TATDN1: variants seen among roughly 807,000 people sequenced by gnomAD.
TATDN1 encodes the protein deoxyribonuclease TATDN1.
A neutral mutation model predicts 46.4 loss-of-function variants in TATDN1; 40 were observed. The ratio of observed to expected loss-of-function variants is 0.86; its 90% CI spans 0.67 to 1.12. The LOEUF is 1.12. Ranked by LOEUF, TATDN1 falls within the 50% of genes most tolerant of loss-of-function variation. TATDN1 has a pLI of 0.00. For synonymous variants in TATDN1, 95 were observed against 105.6 expected, an observed-to-expected ratio of 0.90 and a Z score of 0.62; for missense variants, 326 against 348.4, an observed-to-expected ratio of 0.94 and a Z score of 0.51.
At chr8:124,533,624 C>A (rs753172122) in intron 1 of TATDN1, among the ~76,000 whole-genome samples, 27 of 152,034 alleles carry the variant, frequency 1.8e-4, no homozygotes, top group Admixed American at 2.0e-4. Flanking sequence ...TTTTCCAGGG[C>A]TGGTTTCTGT....
intron 8 of TATDN1, among the ~76,000 whole-genome samples, chr8:124,507,518 A>G (rs1818578335): frequency 6.6e-6 from 1 of 152,242 alleles, no homozygotes; most frequent in Non-Finnish European, 1.5e-5. Context: ...ACAGTGGCTC[A>G]CACCTGTAAT....
chr8:124,494,024 T>C (rs1356582027), intron 10 of TATDN1, 65 bp from the exon 11 acceptor site: 4 of 1,466,844 alleles, frequency 2.7e-6, no homozygotes, highest in Non-Finnish European at 3.6e-6. Flanking sequence ...ATGACCATTA[T>C]CTAATATATA....
intron 3 of TATDN1, 24 bp downstream of exon 3, chr8:124,522,127 C>A: frequency 6.5e-7 from 1 of 1,541,782 alleles, no homozygotes; most frequent in Non-Finnish European, 8.8e-7. Flanking sequence ...TTAAAAATCT[C>A]AAAAATAACA....
chr8:124,507,458 C>T (rs1355054174), intron 8 of TATDN1, among the ~76,000 whole-genome samples: 1 of 152,152 alleles, frequency 6.6e-6, no homozygotes, highest in Non-Finnish European at 1.5e-5. Context: ...ACAGAAGAGA[C>T]GAAGAATATC....
intron 6 of TATDN1, among the ~76,000 whole-genome samples, chr8:124,513,597 A>C (rs1819215857): frequency 6.6e-6 from 1 of 152,274 alleles, no homozygotes; most frequent in Non-Finnish European, 1.5e-5. Flanking sequence ...ATCAGACGCT[A>C]TTCTGATGAT....
intron 6 of TATDN1, among the ~76,000 whole-genome samples, chr8:124,513,309 T>C (rs1047837630): frequency 6.6e-6 from 1 of 152,220 alleles, no homozygotes; most frequent in African/African-American, 2.4e-5. Flanking sequence ...TACTTTGTCA[T>C]TAGCTTATCC....
At chr8:124,527,710 C>T (rs951911174) in intron 1 of TATDN1, among the ~76,000 whole-genome samples, 4 of 151,738 alleles carry the variant, frequency 2.6e-5, no homozygotes, top group African/African-American at 9.7e-5. Flanking sequence ...TCATGTTTCC[C>T]CATTTTAGCC....
intron 6 of TATDN1, among the ~76,000 whole-genome samples, chr8:124,511,514 G>A (rs1819011729): frequency 1.3e-5 from 2 of 152,126 alleles, no homozygotes; most frequent in Admixed American, 6.5e-5. Flanking sequence ...TCCTACCCAA[G>A]AGAACAGAGC....
intron 3 of TATDN1, among the ~76,000 whole-genome samples, chr8:124,521,377 C>A (rs1820030516): frequency 2.0e-5 from 3 of 152,154 alleles, no homozygotes; most frequent in Admixed American, 2.0e-4. Flanking sequence ...AATTTAGGAG[C>A]CTAGTATTTC....
chr8:124,532,894 A>C (rs142654206), intron 1 of TATDN1, among the ~76,000 whole-genome samples: 18 of 152,134 alleles, frequency 1.2e-4, no homozygotes, highest in Non-Finnish European at 1.0e-4. Context: ...CCTTAAGTCT[A>C]TATGAGGTGA....
intron 11 of TATDN1, among the ~76,000 whole-genome samples, chr8:124,492,354 G>A (rs1488169143): frequency 6.6e-6 from 1 of 152,142 alleles, no homozygotes; most frequent in African/African-American, 2.4e-5. Context: ...AAAGTCAACA[G>A]CTATAATCTT....
At chr8:124,506,322 A>G (rs1490894694) in intron 8 of TATDN1, among the ~76,000 whole-genome samples, 1 of 140,970 alleles carries the variant, frequency 7.1e-6, no homozygotes, top group Non-Finnish European at 1.5e-5. Context: ...GTGACAGAGC[A>G]AGGCTCTGTC....
chr8:124,509,715 A>G (rs1157633512), intron 6 of TATDN1, among the ~76,000 whole-genome samples: 2 of 152,198 alleles, frequency 1.3e-5, no homozygotes, highest in South Asian at 4.1e-4. Context: ...GCTAAATTTT[A>G]AAATTAGAAA....
rs570653554 is a variant in TATDN1, at chr8:124,488,834, A to G, written c.792-138T>C. On this transcript the variant is annotated intron_variant, in intron 11 of 11. Coordinates refer to ENST00000276692, the MANE Select transcript of TATDN1 (RefSeq NM_032026.4). ...AAGCTTAACAGTTATTAAGTTTTTC[A>G]GCAATATCAATAGAAAAACTTACTG... 34 of 616,156 alleles carry G rather than the reference A, an allele frequency of 5.5e-5. No individual in the cohort carries two copies. The African/African-American group carries it at 6.3e-4, about 11-fold the overall frequency. 38.2% of individuals were successfully genotyped at this position (616,156 alleles called of 1,614,324 possible). A position where few individuals can be genotyped will look rare whatever the true frequency, so the allele number is the denominator to read the frequency against.
intron 9 of TATDN1, chr8:124,503,794 G>A (rs376959373): frequency 3.1e-6 from 2 of 640,280 alleles, no homozygotes; most frequent in South Asian, 1.5e-5. Flanking sequence ...ATCACAGAGT[G>A]AGAAGCCAGA....
At chr8:124,506,625 G>A (rs1818457236) in intron 8 of TATDN1, among the ~76,000 whole-genome samples, 1 of 152,210 alleles carries the variant, frequency 6.6e-6, no homozygotes, top group Non-Finnish European at 1.5e-5. Flanking sequence ...AGATGAGGCA[G>A]AGGTTGAACT....
intron 1 of TATDN1, among the ~76,000 whole-genome samples, chr8:124,533,448 T>C (rs1189153102): frequency 6.6e-6 from 1 of 151,822 alleles, no homozygotes; most frequent in Non-Finnish European, 1.5e-5. Context: ...AATTTTTTGG[T>C]AGCCTTGATG....
chr8:124,507,183 T>C (rs139512527), intron 8 of TATDN1, among the ~76,000 whole-genome samples: 3 of 151,522 alleles, frequency 2.0e-5, no homozygotes, highest in Non-Finnish European at 4.4e-5. Flanking sequence ...ATCACTGCCA[T>C]AGATATCGGA....
intron 9 of TATDN1, among the ~76,000 whole-genome samples, chr8:124,502,208 G>C (rs1818028165): frequency 6.6e-6 from 1 of 151,912 alleles, no homozygotes; most frequent in Non-Finnish European, 1.5e-5. Flanking sequence ...AGGTGTAGTG[G>C]CGGGCACCTG....
Sources: allele counts gnomAD v4.1 joint callset (sites outside exome capture counted in the v4.1 genomes callset), GRCh38; gene constraint gnomAD v4.1.1; transcripts MANE v1.5; gene names NCBI Gene and HGNC (gene_info 2026-07-23, HGNC 2026-07-21).